ZNF578: variants seen among roughly 807,000 people sequenced by gnomAD.
ZNF578 encodes the protein Putative chemokine-related protein B42.
ZNF578 carries 8 observed loss-of-function variants against 8.3 expected under a neutral mutation model. That is an observed-to-expected ratio of 0.96 (90% CI 0.56 to 1.74). The LOEUF is 1.74. ZNF578 is among the 40% of genes most tolerant of loss of function. The pLI is 0.00. For synonymous variants in ZNF578, 206 were observed against 232.2 expected (o/e 0.89, Z 1.03); for missense variants, 726 against 707.5 (o/e 1.03, Z -0.30).
At chr19:52,481,695 G>A (rs997306290) in intron 2 of ZNF578, among the ~76,000 whole-genome samples, 1 of 151,832 alleles carries the variant, frequency 6.6e-6, no homozygotes, top group African/African-American at 2.4e-5. Context: ...AAGTGAAGTG[G>A]GAGAAAAAAA....
intron 2 of ZNF578, among the ~76,000 whole-genome samples, chr19:52,464,131 A>G (rs1409565867): frequency 6.6e-6 from 1 of 152,156 alleles, no homozygotes; most frequent in Non-Finnish European, 1.5e-5. Flanking sequence ...ATATACTGTA[A>G]GTGTTTTTAT....
chr19:52,478,481 G>A lies in ZNF578; in HGVS notation c.-121-12843G>A, dbSNP rs2059315001. On this transcript the variant is annotated intron_variant, in intron 2 of 5. Coordinates refer to ENST00000421239, the MANE Select transcript of ZNF578 (RefSeq NM_001099694.2). ...GGCGGTACAGATGTTTCTGCAATTG[G>A]AGGGGGCGGTACAGGCCAATTTTTA... 2.0e-5 allele frequency among the ~76,000 whole-genome samples: 3 copies of A among 152,130 alleles called. No individual in the cohort carries two copies. In the South Asian group the frequency reaches 6.2e-4, roughly 32 times the overall value.
rs1288360069 is a variant in ZNF578, at chr19:52,514,673, C to CT, written c.*2525dup. Among the ~76,000 whole-genome samples, 5 of 151,956 alleles carry CT rather than the reference C, an allele frequency of 3.3e-5. No homozygotes were observed. The highest frequency in any genetic ancestry group is 1.2e-4 in the African/African-American group (5 of 41,352). ...TCCAAAAGCACCCATGTATTCTTTT[C>CT]TTTTTTGGAAATGGAGTCTCGCTCT... On this transcript the variant is annotated 3_prime_UTR_variant, in exon 6 of 6. Transcript: ENST00000421239.
In ZNF578 at chr19:52,504,738, C is replaced by T. The variant is rs1202856855; in HGVS notation, c.147C>T (p.Tyr49=). The T allele has an allele frequency of 3.7e-6, 6 of 1,613,974 alleles. No homozygotes were observed. In the South Asian group the frequency reaches 5.5e-5, roughly 15 times the overall value. ...KFLNPAQRAL[Y]REVMLENYRN... is the part of the protein sequence containing the mutation. The stretch of plus-strand genomic sequence containing the variant: ...TGAACCCTGCGCAGAGGGCTTTGTA[C>T]AGGGAAGTGATGTTGGAGAACTACA... Residue 49 remains tyrosine (Y), a synonymous_variant, in exon 5 of 6, where the codon TAC becomes TAT. Transcript: ENST00000421239.
Position 52,459,770 on chromosome 19 carries a change from T to TA in ZNF578, c.-122+2812_-122+2813insA, listed in dbSNP as rs1491453615. On this transcript the variant is annotated intron_variant, in intron 2 of 5. Transcript: ENST00000421239. ...GTGTGTGTATATATATATATATATA[T>TA]TTTTTTTTTTTTTTTTTTTTTTTGA... Among the ~76,000 whole-genome samples, 69 of 7,296 alleles carry TA rather than the reference T, an allele frequency of 9.5e-3. 11 individuals carry two copies. Among genetic ancestry groups the TA allele is most frequent in the East Asian group, 0.044 (12 of 270 alleles). The allele number at this position is 7,296 out of a possible 152,430, so 4.8% of individuals were successfully genotyped here.
intron 3 of ZNF578, among the ~76,000 whole-genome samples, chr19:52,500,902 A>G (rs7246280): frequency 0.33 from 45,290 of 135,506 alleles, 7,391 homozygotes; most frequent in African/African-American, 0.36. Context: ...TTTTTGAGAT[A>G]GAGTCTTGCT....
rs1294941127 is a variant in ZNF578 at position 52,512,711 on chromosome 19, C to T, written c.*557C>T. Among the ~76,000 whole-genome samples the T allele has an allele frequency of 3.9e-5, 6 of 152,168 alleles. No individual in the cohort carries two copies. The highest frequency in any genetic ancestry group is 1.4e-4 in the African/African-American group (6 of 41,404). On this transcript the variant is annotated 3_prime_UTR_variant, in exon 6 of 6. Coordinates refer to ENST00000421239, the MANE Select transcript of ZNF578 (RefSeq NM_001099694.2). The stretch of plus-strand genomic sequence containing the variant: ...CATCAGTGTGGCAAGGTCTTCAGTC[C>T]GAGGTCACTCCTTGCAGAACATCAG...
chr19:52,486,643 T>G (rs802585), intron 2 of ZNF578, among the ~76,000 whole-genome samples: 76,136 of 151,506 alleles, frequency 0.5, 19,342 homozygotes, highest in Non-Finnish European at 0.53. Context: ...GAGTGGTGCT[T>G]GTGTCAAGGA....
chr19:52,496,032 CT>C (rs539488895), intron 3 of ZNF578, among the ~76,000 whole-genome samples: 1,684 of 151,670 alleles, frequency 0.011, 33 homozygotes, highest in African/African-American at 0.039. Context: ...TTTTGTTTTT[CT>C]TTTTGAGATG....
intron 2 of ZNF578, among the ~76,000 whole-genome samples, chr19:52,477,599 T>G (rs1038260295): frequency 1.3e-5 from 2 of 149,072 alleles, no homozygotes; most frequent in East Asian, 2.0e-4. Flanking sequence ...ATTTTAGGGT[T>G]TTTTTTTTTT....
rs1211848187 is a variant in ZNF578, at chr19:52,513,881, CA to C, written c.*1728del. Among the ~76,000 whole-genome samples the C allele has an allele frequency of 6.6e-6, 1 of 151,976 alleles. No homozygotes were observed. The highest frequency in any genetic ancestry group is 2.4e-5 in the African/African-American group (1 of 41,356). On this transcript the variant is annotated 3_prime_UTR_variant, in exon 6 of 6. Transcript: ENST00000421239. ...CTCTACTAAAAATACAAAAGTTAGC[CA>C]GGGGTGGGGGTGTGCACCTTTAGTT...
intron 2 of ZNF578, among the ~76,000 whole-genome samples, chr19:52,462,391 G>A (rs2059261439): frequency 6.6e-6 from 1 of 152,130 alleles, no homozygotes; most frequent in Non-Finnish European, 1.5e-5. Flanking sequence ...GGGTGAGAGG[G>A]CCCATGAGTA....
At position 52,511,423 on chromosome 19, in the gene ZNF578, T is replaced by C; in HGVS notation, c.1042T>C (p.Cys348Arg). Residue 348 changes from cysteine (C) to arginine (R), a missense_variant, in exon 6 of 6, where the codon TGT becomes CGT. Cys to Arg is a radical substitution (Grantham distance 180). Transcript: ENST00000421239. Reference protein sequence around the residue: ...TGEKPYKCNECGKSFSYKSSL... With the variant: ...TGEKPYKCNERGKSFSYKSSL... ...TGAGAAACCTTACAAGTGTAATGAA[T>C]GTGGAAAGTCCTTCAGTTACAAGTC... is the stretch of plus-strand genomic sequence containing the variant. 6.2e-7 allele frequency: 1 copy of C among 1,614,198 alleles called. No homozygotes were observed. The highest frequency in any genetic ancestry group is 2.2e-5 in the East Asian group (1 of 44,880).
intron 2 of ZNF578, among the ~76,000 whole-genome samples, chr19:52,489,810 C>G (rs1281680882): frequency 6.6e-6 from 1 of 151,824 alleles, no homozygotes; most frequent in Non-Finnish European, 1.5e-5. Context: ...CGCCCGCCAC[C>G]AATCCCGGCT....
intron 4 of ZNF578, among the ~76,000 whole-genome samples, chr19:52,502,768 G>C (rs71358876): frequency 0.084 from 12,797 of 152,120 alleles, 745 homozygotes; most frequent in African/African-American, 0.16. Context: ...AGAAGGTGTC[G>C]CTCTGTGGCT....
chr19:52,462,850 A>G, intron 2 of ZNF578, among the ~76,000 whole-genome samples: 1 of 152,170 alleles, frequency 6.6e-6, no homozygotes, highest in East Asian at 1.9e-4. Flanking sequence ...CTCCTGGGGA[A>G]ATACAAGCAA....
intron 3 of ZNF578, among the ~76,000 whole-genome samples, chr19:52,498,717 A>C (rs1275501682): frequency 7.8e-5 from 9 of 115,698 alleles, no homozygotes; most frequent in African/African-American, 2.9e-4. Context: ...ACAGAGTGTC[A>C]CCCTATCACC....
chr19:52,457,495 G>T (rs1472822582), intron 2 of ZNF578: 11 of 152,132 alleles, frequency 7.2e-5, no homozygotes, highest in Admixed American at 6.5e-4. Flanking sequence ...TTGAAGAGGG[G>T]GTCGTGTGAA....
In ZNF578 at chr19:52,498,381, G is replaced by T. The variant is rs1376682118; in HGVS notation, c.-19-3446G>T. 4.1e-5 allele frequency among the ~76,000 whole-genome samples: 6 copies of T among 147,882 alleles called. No homozygotes were observed. In the Admixed American group the frequency reaches 4.1e-4, roughly 10 times the overall value. ...GAGTCTCACTCTGTCGCCCAGGAGG[G>T]AGTGCAGTGGCGCAATCTCCTCTCA... On this transcript the variant is annotated intron_variant, in intron 3 of 5. Transcript: ENST00000421239.
Sources: allele counts gnomAD v4.1 joint callset (sites outside exome capture counted in the v4.1 genomes callset), GRCh38; gene constraint gnomAD v4.1.1; transcripts MANE v1.5; gene names NCBI Gene and HGNC (gene_info 2026-07-23, HGNC 2026-07-21).